Variants in SLC35D1 observed in about 807,000 individuals in gnomAD.
SLC35D1 encodes solute carrier family 35 member D1.
Under a neutral mutation model 46.7 loss-of-function variants are expected in SLC35D1, and 31 were observed. That is an observed-to-expected ratio of 0.66 (90% confidence interval 0.50 to 0.90). The LOEUF is 0.90. SLC35D1 is among the 40% of genes least tolerant of loss of function. The probability of loss-of-function intolerance (pLI) is 0.00; values close to 1 mark genes in which losing one functional copy is unlikely to be tolerated. For missense variants in SLC35D1, 397 were observed against 426.2 expected (o/e 0.93, Z 0.60); for synonymous variants, 195 against 164.6 (o/e 1.18, Z -1.41).
At chr1:67,053,751 G>A in intron 1 of SLC35D1, 60 bp downstream of exon 1, 4 of 1,393,156 alleles carry the variant, frequency 2.9e-6, no homozygotes, top group Non-Finnish European at 2.8e-6. Context: ...AGCCGGCGCC[G>A]CGCCGCCGCC....
the SLC35D1 span, chr1:66,986,657 A>T: frequency 1.9e-6 from 1 of 528,836 alleles, no homozygotes; most frequent in Non-Finnish European, 3.4e-6. Context: ...CCACTTTGCA[A>T]CACTTGACTT....
intron 8 of SLC35D1, among the ~76,000 whole-genome samples, chr1:67,038,074 C>G (rs1038717449): frequency 6.6e-6 from 1 of 152,106 alleles, no homozygotes; most frequent in Non-Finnish European, 1.5e-5. Context: ...AAATAATATA[C>G]TGGCAAAGAG....
the SLC35D1 span, among the ~76,000 whole-genome samples, chr1:66,979,395 G>A: frequency 1.3e-5 from 2 of 152,162 alleles, no homozygotes; most frequent in Non-Finnish European, 2.9e-5. Flanking sequence ...AAAGTCATTT[G>A]TTCACCAGGA....
At chr1:67,039,721 T>C (rs2102338608) in intron 8 of SLC35D1, among the ~76,000 whole-genome samples, 1 of 152,262 alleles carries the variant, frequency 6.6e-6, no homozygotes, top group South Asian at 2.1e-4. Flanking sequence ...TGAGAGCAGT[T>C]TATCAGCACT....
intron 10 of SLC35D1, among the ~76,000 whole-genome samples, chr1:67,014,675 T>TTG (rs1395296236): frequency 6.9e-6 from 1 of 144,056 alleles, no homozygotes; most frequent in Non-Finnish European, 1.5e-5. Flanking sequence ...TTTTAGTTTT[T>TTG]TTTTTTTTTT....
At chr1:67,036,273 T>A (rs1668121214) in intron 8 of SLC35D1, among the ~76,000 whole-genome samples, 1 of 152,154 alleles carries the variant, frequency 6.6e-6, no homozygotes, top group Non-Finnish European at 1.5e-5. Context: ...ATGCTGAAAC[T>A]GGGGTGTTGT....
chr1:66,980,907 G>C, the SLC35D1 span, among the ~76,000 whole-genome samples: 2 of 152,026 alleles, frequency 1.3e-5, no homozygotes, highest in African/African-American at 2.4e-5. Context: ...TTGCAGGAAA[G>C]CAGTCATAGA....
At chr1:66,975,133 G>T in the SLC35D1 span, among the ~76,000 whole-genome samples, 3 of 152,074 alleles carry the variant, frequency 2.0e-5, no homozygotes, top group Admixed American at 2.0e-4. Flanking sequence ...TGTCCTTTAG[G>T]TGCAATCAGT....
downstream of SLC35D1, among the ~76,000 whole-genome samples, chr1:66,994,422 T>A (rs987859004): frequency 1.5e-4 from 23 of 152,050 alleles, no homozygotes; most frequent in Non-Finnish European, 3.4e-4. Context: ...AGGCGGGTGA[T>A]CACTTGAGGT....
intron 10 of SLC35D1, among the ~76,000 whole-genome samples, chr1:67,010,742 G>A (rs1667546482): frequency 1.3e-5 from 2 of 152,050 alleles, no homozygotes; most frequent in African/African-American, 2.4e-5. Context: ...TTAGATTTTG[G>A]AGCAAGCATT....
chr1:67,038,015 AAG>A (rs1386803867), intron 8 of SLC35D1, among the ~76,000 whole-genome samples: 1 of 152,234 alleles, frequency 6.6e-6, no homozygotes, highest in Admixed American at 6.5e-5. Flanking sequence ...CTTATTTAAA[AAG>A]AGATATCTCA....
chr1:66,989,134 C>T, the SLC35D1 span, among the ~76,000 whole-genome samples: 1 of 152,196 alleles, frequency 6.6e-6, no homozygotes, highest in African/African-American at 2.4e-5. Context: ...TCTACCATAA[C>T]AGCAGCTGTG....
chr1:67,014,426 T>G (rs1342822556), intron 10 of SLC35D1, among the ~76,000 whole-genome samples: 1 of 152,150 alleles, frequency 6.6e-6, no homozygotes. Context: ...TGAATTTTAC[T>G]GGTCTTATGG....
intron 8 of SLC35D1, among the ~76,000 whole-genome samples, chr1:67,026,232 C>A (rs576341820): frequency 6.6e-6 from 1 of 152,258 alleles, no homozygotes; most frequent in East Asian, 1.9e-4. Context: ...GAGTGGGTGT[C>A]ACCTTTTGTC....
intron 8 of SLC35D1, among the ~76,000 whole-genome samples, chr1:67,036,870 TC>T (rs1233155441): frequency 6.6e-6 from 1 of 152,068 alleles, no homozygotes; most frequent in African/African-American, 2.4e-5. Flanking sequence ...TTTCCTTCCT[TC>T]CTGTCTTCCT....
At chr1:66,994,088 C>G in the SLC35D1 span, among the ~76,000 whole-genome samples, 1 of 152,184 alleles carries the variant, frequency 6.6e-6, no homozygotes, top group African/African-American at 2.4e-5. Context: ...TGCAAGCATG[C>G]ATGCTTAGAT....
chr1:67,012,297 A>G (rs2815351), intron 10 of SLC35D1, among the ~76,000 whole-genome samples: 117,864 of 152,048 alleles, frequency 0.78, 45,969 homozygotes, highest in South Asian at 0.88. Flanking sequence ...TGGGTTACTG[A>G]AGACCATCTA....
At chr1:66,976,564 A>T in the SLC35D1 span, 3 of 1,533,558 alleles carry the variant, frequency 2.0e-6, no homozygotes, top group African/African-American at 4.2e-5. Flanking sequence ...TAAAAAGGAG[A>T]TTCTTAAAAG....
chr1:67,001,740 A>G lies in SLC35D1; in HGVS notation c.*2600T>C, dbSNP rs1345750417. The G allele has an allele frequency of 1.3e-5, 2 of 152,390 alleles. No homozygotes were observed. The highest frequency in any genetic ancestry group is 2.9e-5 in the Non-Finnish European group (2 of 68,052). 9.4% of individuals were successfully genotyped at this position (152,390 alleles called of 1,614,324 possible). Reference sequence around the variant, plus strand: ...AACACGCCTGCAATAATCAAAACGCAAACTCCAAAAGACTATTCAGTCTCC... The same window carrying G: ...AACACGCCTGCAATAATCAAAACGCGAACTCCAAAAGACTATTCAGTCTCC... On this transcript the variant is annotated 3_prime_UTR_variant, in exon 12 of 12. Coordinates refer to ENST00000235345, the MANE Select transcript of SLC35D1 (RefSeq NM_015139.3).
Sources: allele counts gnomAD v4.1 joint callset (sites outside exome capture counted in the v4.1 genomes callset), GRCh38; gene constraint gnomAD v4.1.1; transcripts MANE v1.5; gene names NCBI Gene and HGNC (gene_info 2026-07-23, HGNC 2026-07-21).